The following LPCAT1 variants were observed in gnomAD, a reference collection of about 807,000 sequenced individuals.
LPCAT1 encodes the protein 1-acylglycerol-3-phosphate O-acyltransferase.
LPCAT1 carries 23 observed loss-of-function variants against 60.9 expected under a neutral mutation model. That is an observed-to-expected ratio of 0.38 (90% CI 0.27 to 0.53). LPCAT1 has a LOEUF of 0.53. Ranked by LOEUF, LPCAT1 falls within the 20% of genes least tolerant of loss-of-function variation. The pLI is 0.82. For synonymous variants in LPCAT1, 340 were observed against 301.1 expected (o/e 1.13, Z -1.34); for missense variants, 622 against 723.6 (o/e 0.86, Z 1.61).
At chr5:1,515,274 G>A (rs969632747) in intron 1 of LPCAT1, among the ~76,000 whole-genome samples, 1 of 149,878 alleles carries the variant, frequency 6.7e-6, no homozygotes, top group African/African-American at 2.5e-5. Context: ...AGCACATCCT[G>A]CATCAGGGGA....
intron 12 of LPCAT1, 120 bp from the exon 13 acceptor site, chr5:1,467,010 C>T: frequency 3.5e-6 from 4 of 1,143,096 alleles, no homozygotes; most frequent in Non-Finnish European, 4.5e-6. Context: ...CCTGCAGGGC[C>T]GGCGGCTGGA....
At chr5:1,486,147 G>A (rs1319588689) in intron 5 of LPCAT1, among the ~76,000 whole-genome samples, 1 of 152,218 alleles carries the variant, frequency 6.6e-6, no homozygotes, top group African/African-American at 2.4e-5. Context: ...CACTGGAGAG[G>A]AAGGCCCCAC....
At position 1,463,748 on chromosome 5, in the gene LPCAT1, T is replaced by G; in HGVS notation, c.1508A>C (p.Glu503Ala). 6.2e-7 allele frequency: 1 copy of G among 1,614,246 alleles called. No homozygotes were observed. Among genetic ancestry groups the G allele is most frequent in the Non-Finnish European group, 8.5e-7 (1 of 1,180,040 alleles). Residue 503 changes from glutamate to alanine, a missense_variant, in exon 14 of 14, where the codon GAG becomes GCG. Physicochemically the swap from Glu to Ala is moderately radical, Grantham distance 107. This residue lies in a region of LPCAT1 where 288 missense variants were observed against 283.6 expected (regional missense o/e 1.02). Coordinates refer to ENST00000283415, the MANE Select transcript of LPCAT1 (RefSeq NM_024830.5). ...GTTTGGGATTGGCGCAGGTGAGGTCTCTGCACAGCTTTCGAAATGTGTCTG... is the reference window on the plus strand; with the variant it reads ...GTTTGGGATTGGCGCAGGTGAGGTCGCTGCACAGCTTTCGAAATGTGTCTG... ...PDQTHFESCA[E>A]TSPAPIPNGF...
At chr5:1,472,274 G>A (rs1048515412) in intron 11 of LPCAT1, among the ~76,000 whole-genome samples, 3 of 152,140 alleles carry the variant, frequency 2.0e-5, no homozygotes, top group Non-Finnish European at 4.4e-5. Flanking sequence ...AGGGGCAGAG[G>A]GAGGACTTTG....
In LPCAT1 at chr5:1,475,527, G is replaced by A. The variant is rs140739640; in HGVS notation, c.900-842C>T. On this transcript the variant is annotated intron_variant, in intron 9 of 13. Coordinates refer to ENST00000283415, the MANE Select transcript of LPCAT1 (RefSeq NM_024830.5). ...TGCCATTCAACTCAGAACCCCAAAT[G>A]ACTCAGAGGCGAGCCCCATCCCAGA... 3.7e-4 allele frequency among the ~76,000 whole-genome samples: 57 copies of A among 152,332 alleles called. No individual in the cohort carries two copies. In the East Asian group the frequency reaches 0.011, roughly 29 times the overall value.
In LPCAT1 at chr5:1,503,117, A is replaced by G. The variant is rs529478667; in HGVS notation, c.136-1514T>C. ...CAGTGGTCAGGTCAGCCTGTTGGGT[A>G]CGCAGATCTAGATGATGTTTGGTTT... On this transcript the variant is annotated intron_variant, in intron 1 of 13. Coordinates refer to ENST00000283415, the MANE Select transcript of LPCAT1 (RefSeq NM_024830.5). 2.6e-5 allele frequency among the ~76,000 whole-genome samples: 4 copies of G among 152,250 alleles called. No homozygotes were observed. In the South Asian group the frequency reaches 8.3e-4, roughly 32 times the overall value.
chr5:1,510,068 CA>C (rs1288889197), intron 1 of LPCAT1, among the ~76,000 whole-genome samples: 3 of 151,956 alleles, frequency 2.0e-5, no homozygotes, highest in Non-Finnish European at 2.9e-5. Flanking sequence ...CATCTTGTGC[CA>C]AATTTATGGT....
chr5:1,485,722 G>A (rs930020719), intron 5 of LPCAT1, among the ~76,000 whole-genome samples: 1 of 151,836 alleles, frequency 6.6e-6, no homozygotes, highest in Non-Finnish European at 1.5e-5. Flanking sequence ...AGGCCGCTGC[G>A]GCCCAGGGAC....
At chr5:1,497,289 G>A (rs548051311) in intron 2 of LPCAT1, among the ~76,000 whole-genome samples, 2 of 152,256 alleles carry the variant, frequency 1.3e-5, no homozygotes, top group Non-Finnish European at 2.9e-5. Flanking sequence ...GGAAAAGGAG[G>A]AAGGCCGCTG....
rs193075346 is a variant in LPCAT1 at position 1,511,169 on chromosome 5, G to A, written c.136-9566C>T. ...TGCTCATGCCCACGCAGGCCTTTCT[G>A]TGGATCTCCACACACAGCACCTCCG... On this transcript the variant is annotated intron_variant, in intron 1 of 13. Coordinates refer to ENST00000283415, the MANE Select transcript of LPCAT1 (RefSeq NM_024830.5). 3.7e-4 allele frequency among the ~76,000 whole-genome samples: 57 copies of A among 152,346 alleles called. 1 individual carries two copies. The East Asian group carries it at 8.9e-3, about 24-fold the overall frequency.
intron 4 of LPCAT1, among the ~76,000 whole-genome samples, chr5:1,489,309 G>A (rs752236401): frequency 6.6e-6 from 1 of 152,210 alleles, no homozygotes. Context: ...CAGCGTCCAA[G>A]CTAATGTCAG....
intron 1 of LPCAT1, among the ~76,000 whole-genome samples, chr5:1,503,443 G>A (rs1736087518): frequency 6.6e-6 from 1 of 152,236 alleles, no homozygotes; most frequent in Non-Finnish European, 1.5e-5. Context: ...AGAGCCACGT[G>A]CTGCACCCCA....
rs1735811163 is a variant in LPCAT1, at chr5:1,496,810, C to A, written c.279-1896G>T. ...ATGACAGCCTCAGAGAAAAGCTCCG[C>A]TTGCTGTGGGGTTGGGGACCCAGCA... is the stretch of plus-strand genomic sequence containing the variant. On this transcript the variant is annotated intron_variant, in intron 2 of 13. Coordinates refer to ENST00000283415, the MANE Select transcript of LPCAT1 (RefSeq NM_024830.5). This position sits in a 1 kb window ranked among gnomAD's most constrained non-coding sequence, Gnocchi z 4.7. Among the ~76,000 whole-genome samples, 1 of 152,196 alleles carries A rather than the reference C, an allele frequency of 6.6e-6. No individual in the cohort carries two copies. The highest frequency in any genetic ancestry group is 2.1e-4 in the South Asian group (1 of 4,832).
chr5:1,478,009 C>T (rs1734993448), intron 8 of LPCAT1, among the ~76,000 whole-genome samples: 1 of 152,280 alleles, frequency 6.6e-6, no homozygotes, highest in African/African-American at 2.4e-5. Flanking sequence ...TACATCAGAA[C>T]ATCCAGCTCC....
Position 1,522,354 on chromosome 5 carries a change from C to G in LPCAT1, c.135+1356G>C, listed in dbSNP as rs115004639. Among the ~76,000 whole-genome samples the G allele has an allele frequency of 7.5e-3, 1,138 of 152,270 alleles. 20 individuals carry two copies. Among genetic ancestry groups the G allele is most frequent in the African/African-American group, 0.026 (1,082 of 41,548 alleles). ...GTCCTCCTTTGAGGGGCACAGCACA[C>G]GGCAGCTGACAGCGTGTGGCAGACA... On this transcript the variant is annotated intron_variant, in intron 1 of 13. Transcript: ENST00000283415. This position sits in a 1 kb window ranked among gnomAD's most constrained non-coding sequence, Gnocchi z 6.8.
In LPCAT1 at chr5:1,481,074, C is replaced by T; in HGVS notation, c.727-98G>A. 1.4e-6 allele frequency: 2 copies of T among 1,407,782 alleles called. No homozygotes were observed. The highest frequency in any genetic ancestry group is 1.0e-6 in the Non-Finnish European group (1 of 1,000,768). The allele number at this position is 1,407,782 out of a possible 1,614,324, so 87.2% of individuals were successfully genotyped here. A position where few individuals can be genotyped will look rare whatever the true frequency, so the allele number is the denominator to read the frequency against. On this transcript the variant is annotated intron_variant, in intron 6 of 13. Transcript: ENST00000283415. This position sits in a 1 kb window ranked among gnomAD's most constrained non-coding sequence, Gnocchi z 7.8. ...CGGCCTCTCCCTGCACCTCCCACCC[C>T]ACAGAGGCGCTGCAGCCAGGGGGAA... is the stretch of plus-strand genomic sequence containing the variant.
rs564530178 is a variant in LPCAT1, at chr5:1,465,978, CCTCCGG to C, written c.1420+765_1420+770del. 2.0e-4 allele frequency among the ~76,000 whole-genome samples: 31 copies of C among 152,378 alleles called. No individual in the cohort carries two copies. The South Asian group carries it at 2.5e-3, about 12-fold the overall frequency. ...ACCAGTGCGCACATCCGCACTCCCG[CCTCCGG>C]CTCCCGCACAGACGCTGTGCACGCA... On this transcript the variant is annotated intron_variant, in intron 13 of 13. Transcript: ENST00000283415.
rs192637295 is a variant in LPCAT1 at position 1,468,763 on chromosome 5, G to A, written c.1279-1873C>T. Among the ~76,000 whole-genome samples, 407 of 152,366 alleles carry A rather than the reference G, an allele frequency of 2.7e-3. 5 individuals carry two copies. Among genetic ancestry groups the A allele is most frequent in the Admixed American group, 0.015 (235 of 15,308 alleles). On this transcript the variant is annotated intron_variant, in intron 12 of 13. Transcript: ENST00000283415. The stretch of plus-strand genomic sequence containing the variant: ...CTGCGCATCCGGAGTCCTGAGCACC[G>A]GCGTGTGCCTCTGGGGTCCTAGGTG...
chr5:1,474,449 A>T lies in LPCAT1; in HGVS notation c.1025+111T>A, dbSNP rs1734814747. ...GTTGATATTTGAAAAAAGCCAGAAT[A>T]ATTAATAATTATCTCCTCAGTTCCC... On this transcript the variant is annotated intron_variant, in intron 10 of 13. Transcript: ENST00000283415. 3 of 1,317,586 alleles carry T rather than the reference A, an allele frequency of 2.3e-6. No homozygotes were observed. In the Admixed American group the frequency reaches 7.7e-5, roughly 34 times the overall value. The allele number at this position is 1,317,586 out of a possible 1,614,324, so 81.6% of individuals were successfully genotyped here. A position where few individuals can be genotyped will look rare whatever the true frequency, so the allele number is the denominator to read the frequency against.
Sources: allele counts gnomAD v4.1 joint callset (sites outside exome capture counted in the v4.1 genomes callset), GRCh38; gene constraint gnomAD v4.1.1; regional missense constraint gnomAD v4.1.1; non-coding constraint Gnocchi (gnomAD v3.1); transcripts MANE v1.5; gene names NCBI Gene and HGNC (gene_info 2026-07-23, HGNC 2026-07-21).